The following GRIN3A variants were observed in gnomAD, a reference collection of about 807,000 sequenced individuals.
GRIN3A encodes glutamate ionotropic receptor NMDA type subunit 3A.
A neutral mutation model predicts 92.4 loss-of-function variants in GRIN3A; 47 were observed. That is an observed-to-expected ratio of 0.51 (90% CI 0.40 to 0.65). The LOEUF is 0.65. GRIN3A is among the 30% of genes least tolerant of loss of function. GRIN3A has a pLI of 0.00. For missense variants in GRIN3A, 1,324 were observed against 1,393.1 expected, an observed-to-expected ratio of 0.95 and a Z score of 0.79; for synonymous variants, 527 against 540.6, an observed-to-expected ratio of 0.97 and a Z score of 0.35.
chr9:101,725,504 T>C (rs1830072963), intron 1 of GRIN3A, among the ~76,000 whole-genome samples: 1 of 152,228 alleles, frequency 6.6e-6, no homozygotes, highest in South Asian at 2.1e-4. Context: ...AAAACACTTT[T>C]TCAAGACATC....
chr9:101,584,486 A>T (rs747042225), intron 6 of GRIN3A, among the ~76,000 whole-genome samples: 1 of 152,368 alleles, frequency 6.6e-6, no homozygotes, highest in Non-Finnish European at 1.5e-5. Context: ...GCTTTATGTT[A>T]TGCAGAAATT....
chr9:101,730,376 C>T (rs1048744951), intron 1 of GRIN3A, among the ~76,000 whole-genome samples: 5 of 152,086 alleles, frequency 3.3e-5, no homozygotes, highest in African/African-American at 7.2e-5. Flanking sequence ...AATCTTGCCA[C>T]GTCAACACTT....
At position 101,658,752 on chromosome 9, in the gene GRIN3A, G is replaced by GTCTGTCTGTCTATCTATCTA. The variant is rs1476543672; in HGVS notation, c.2352+11307_2352+11308insTAGATAGATAGACAGACAGA. 5.0e-3 allele frequency among the ~76,000 whole-genome samples: 693 copies of GTCTGTCTGTCTATCTATCTA among 139,218 alleles called. 8 individuals are homozygous for GTCTGTCTGTCTATCTATCTA. The highest frequency in any genetic ancestry group is 0.03 in the East Asian group (130 of 4,364). The allele number at this position is 139,218 out of a possible 152,430, so 91.3% of individuals were successfully genotyped here. On this transcript the variant is annotated intron_variant, in intron 3 of 8. Coordinates refer to ENST00000361820, the MANE Select transcript of GRIN3A (RefSeq NM_133445.3). ...ATACATGTTATTTGTCTATCTATCTGTCTATCTGTCTATCTATCTATCTAT... is the reference window on the plus strand; with the variant it reads ...ATACATGTTATTTGTCTATCTATCTGTCTGTCTGTCTATCTATCTATCTATCTGTCTATCTATCTATCTAT...
Position 101,573,106 on chromosome 9 carries a change from A to G in GRIN3A, c.*68T>C. 7.7e-7 allele frequency: 1 copy of G among 1,305,448 alleles called. No individual in the cohort carries two copies. The highest frequency in any genetic ancestry group is 2.3e-5 in the East Asian group (1 of 43,370). The allele number at this position is 1,305,448 out of a possible 1,614,324, so 80.9% of individuals were successfully genotyped here. A position where few individuals can be genotyped will look rare whatever the true frequency, so the allele number is the denominator to read the frequency against. On this transcript the variant is annotated 3_prime_UTR_variant, in exon 9 of 9. Transcript: ENST00000361820. ...ACACCTTTGTCGATAGTTACAAAAGAGCATTACAAAGTGTCTCAAGGGCTC... is the reference window on the plus strand; with the variant it reads ...ACACCTTTGTCGATAGTTACAAAAGGGCATTACAAAGTGTCTCAAGGGCTC...
intron 1 of GRIN3A, among the ~76,000 whole-genome samples, chr9:101,727,694 A>C (rs185767088): frequency 3.3e-5 from 5 of 152,062 alleles, no homozygotes; most frequent in Admixed American, 6.6e-5. Context: ...AGGCAGAAGA[A>C]GATCTTTTTG....
In GRIN3A at chr9:101,715,200, TAAAA is replaced by T. The variant is rs5899459; in HGVS notation, c.699+22077_699+22080del. Among the ~76,000 whole-genome samples, 78 of 127,684 alleles carry T rather than the reference TAAAA, an allele frequency of 6.1e-4. 1 individual carries two copies. Among genetic ancestry groups the T allele is most frequent in the African/African-American group, 2.2e-3 (74 of 33,352 alleles). The allele number at this position is 127,684 out of a possible 152,430, so 83.8% of individuals were successfully genotyped here. A position where few individuals can be genotyped will look rare whatever the true frequency, so the allele number is the denominator to read the frequency against. The stretch of plus-strand genomic sequence containing the variant: ...ATGGGACATTTTGTGACAAAAATGG[TAAAA>T]AAAAAAAAAAAAAAAGAAAATGTCA... On this transcript the variant is annotated intron_variant, in intron 1 of 8. Coordinates refer to ENST00000361820, the MANE Select transcript of GRIN3A (RefSeq NM_133445.3).
intron 3 of GRIN3A, among the ~76,000 whole-genome samples, chr9:101,629,390 G>A (rs80106043): frequency 0.016 from 2,411 of 152,196 alleles, 23 homozygotes; most frequent in Non-Finnish European, 0.026. Flanking sequence ...ATGTTTACAA[G>A]TATAAAAAAT....
At chr9:101,725,786 T>C (rs1380446356) in intron 1 of GRIN3A, among the ~76,000 whole-genome samples, 1 of 152,220 alleles carries the variant, frequency 6.6e-6, no homozygotes, top group Non-Finnish European at 1.5e-5. Context: ...TCTCAGGGTC[T>C]TTTTATTTTA....
intron 4 of GRIN3A, among the ~76,000 whole-genome samples, chr9:101,625,730 A>G (rs141562933): frequency 4.6e-5 from 7 of 152,296 alleles, no homozygotes; most frequent in Admixed American, 2.0e-4. Context: ...AGGAATCTTA[A>G]TGGAATCCTG....
intron 3 of GRIN3A, 46 bp from the exon 4 acceptor site, chr9:101,628,447 A>G (rs1489743160): frequency 6.3e-7 from 1 of 1,576,726 alleles, no homozygotes. Context: ...TTATTCTTAG[A>G]AGTGTTTTTT....
intron 7 of GRIN3A, among the ~76,000 whole-genome samples, chr9:101,578,285 CA>C (rs1564117695): frequency 9.9e-5 from 15 of 151,856 alleles, no homozygotes. Flanking sequence ...CCTAGAAGAC[CA>C]AATACTTCCC....
intron 1 of GRIN3A, among the ~76,000 whole-genome samples, chr9:101,698,643 T>C (rs1588288379): frequency 6.6e-6 from 1 of 152,142 alleles, no homozygotes; most frequent in Non-Finnish European, 1.5e-5. Flanking sequence ...ATCTGAACAC[T>C]GTACATTTAG....
intron 1 of GRIN3A, among the ~76,000 whole-genome samples, chr9:101,733,686 T>C (rs1031076607): frequency 2.6e-5 from 4 of 152,302 alleles, no homozygotes; most frequent in African/African-American, 7.2e-5. Context: ...TTCTAATAAA[T>C]AGGCTTCAGT....
At chr9:101,657,618 A>T (rs1474481976) in intron 3 of GRIN3A, among the ~76,000 whole-genome samples, 1 of 151,906 alleles carries the variant, frequency 6.6e-6, no homozygotes, top group Non-Finnish European at 1.5e-5. Flanking sequence ...CTACAGCTTC[A>T]TTTGGAGATG....
At chr9:101,687,514 C>A (rs1829554446) in intron 1 of GRIN3A, among the ~76,000 whole-genome samples, 1 of 152,160 alleles carries the variant, frequency 6.6e-6, no homozygotes, top group Admixed American at 6.5e-5. Context: ...TATAGGCAGT[C>A]TCATTTATGG....
intron 1 of GRIN3A, among the ~76,000 whole-genome samples, chr9:101,697,284 T>G (rs1037568400): frequency 6.6e-6 from 1 of 152,188 alleles, no homozygotes; most frequent in African/African-American, 2.4e-5. Flanking sequence ...AATACATCAG[T>G]ATAGTTAACT....
intron 3 of GRIN3A, among the ~76,000 whole-genome samples, chr9:101,639,327 T>C (rs1828823188): frequency 6.6e-6 from 1 of 152,040 alleles, no homozygotes; most frequent in Admixed American, 6.6e-5. Context: ...GAACTGATGC[T>C]ATAGGGCTTC....
intron 6 of GRIN3A, among the ~76,000 whole-genome samples, chr9:101,590,119 T>C (rs1828002763): frequency 6.6e-6 from 1 of 152,184 alleles, no homozygotes; most frequent in Non-Finnish European, 1.5e-5. Flanking sequence ...AGGTCAGAGT[T>C]AGCCTGTGAG....
intron 6 of GRIN3A, among the ~76,000 whole-genome samples, chr9:101,586,659 A>G (rs1400747763): frequency 1.3e-5 from 2 of 152,212 alleles, no homozygotes; most frequent in East Asian, 3.8e-4. Flanking sequence ...GAATGCAAAA[A>G]TTTCAGGAGG....
Sources: allele counts gnomAD v4.1 joint callset (sites outside exome capture counted in the v4.1 genomes callset), GRCh38; gene constraint gnomAD v4.1.1; transcripts MANE v1.5; gene names NCBI Gene and HGNC (gene_info 2026-07-23, HGNC 2026-07-21).